The following CCDC62 variants were observed in gnomAD, a reference collection of about 807,000 sequenced individuals.
CCDC62 encodes coiled-coil domain containing 62, also known as coiled-coil domain-containing protein 62.
Under a neutral mutation model 80.8 loss-of-function variants are expected in CCDC62, and 72 were observed. That is an observed-to-expected ratio of 0.89 (90% CI 0.74 to 1.08). The LOEUF is 1.08. Ranked by LOEUF, CCDC62 falls within the 50% of genes least tolerant of loss-of-function variation. The pLI is 0.00. For missense variants in CCDC62, 704 were observed against 809.4 expected (o/e 0.87, Z 1.58); for synonymous variants, 286 against 296.5 (o/e 0.96, Z 0.36).
chr12:122,778,535 CT>C (rs1879624828), intron 2 of CCDC62, among the ~76,000 whole-genome samples: 1 of 151,920 alleles, frequency 6.6e-6, no homozygotes, highest in Non-Finnish European at 1.5e-5. Flanking sequence ...GAAAGATAAC[CT>C]TTTTTTACTT....
intron 11 of CCDC62, among the ~76,000 whole-genome samples, chr12:122,815,880 A>C (rs1566088678): frequency 6.6e-6 from 1 of 152,124 alleles, no homozygotes; most frequent in African/African-American, 2.4e-5. Flanking sequence ...TCTGGCTAGG[A>C]CCTCCAGATG....
Position 122,801,444 on chromosome 12 carries a change from A to G in CCDC62, c.1298A>G (p.Lys433Arg). The change falls in exon 9 of 13, where the codon AAA (lysine) becomes AGA (arginine). Residue 433 changes from lysine to arginine, a missense_variant. Coordinates refer to ENST00000253079, the MANE Select transcript of CCDC62 (RefSeq NM_201435.5). ...NKITLCKIHT[K>R]SPKCHGTGVQ... ...ATTACATTGTGCAAGATCCACACAA[A>G]ATCACCAAAATGTCATGGCACTGGG... 1.2e-6 allele frequency: 2 copies of G among 1,614,174 alleles called. No homozygotes were observed. The highest frequency in any genetic ancestry group is 1.7e-6 in the Non-Finnish European group (2 of 1,180,026).
At chr12:122,797,153 C>T (rs1429475452) in intron 6 of CCDC62, among the ~76,000 whole-genome samples, 154 bp from the exon 7 acceptor site, 1 of 152,142 alleles carries the variant, frequency 6.6e-6, no homozygotes, top group Non-Finnish European at 1.5e-5. Flanking sequence ...GCTGCAATTA[C>T]AGGTGTGAGC....
At chr12:122,812,068 G>A (rs2031916080) in intron 10 of CCDC62, among the ~76,000 whole-genome samples, 1 of 152,028 alleles carries the variant, frequency 6.6e-6, no homozygotes, top group African/African-American at 2.4e-5. Context: ...CAATGCCTAG[G>A]ATTCTTTTAT....
intron 10 of CCDC62, among the ~76,000 whole-genome samples, chr12:122,807,097 A>T (rs1032801399): frequency 8.5e-5 from 13 of 152,116 alleles, no homozygotes; most frequent in Non-Finnish European, 1.6e-4. Flanking sequence ...GGCAAGGTAC[A>T]GTGCCTCGTG....
chr12:122,812,777 G>GAGAGAGAGAGAGAA (rs750420995), intron 10 of CCDC62, among the ~76,000 whole-genome samples: 119 of 57,752 alleles, frequency 2.1e-3, no homozygotes, highest in African/African-American at 8.8e-3. Flanking sequence ...GAGAGAGAGA[G>GAGAGAGAGAGAGAA]AGAAAGAAAG....
In CCDC62 at chr12:122,801,346, C is replaced by A; in HGVS notation, c.1200C>A (p.Thr400=). 6.2e-7 allele frequency: 1 copy of A among 1,614,078 alleles called. No homozygotes were observed. The highest frequency in any genetic ancestry group is 8.5e-7 in the Non-Finnish European group (1 of 1,180,016). The change falls in exon 9 of 13, where the codon ACC becomes ACA. Residue 400 remains threonine, a synonymous_variant. Coordinates refer to ENST00000253079, the MANE Select transcript of CCDC62 (RefSeq NM_201435.5). The part of the protein sequence containing the change: ...KSVITLSSIF[T]KDLVEKHNLP... ...TAATTACGCTGTCATCCATATTCACCAAAGACTTAGTAGAGAAACACAACC... is the reference window on the plus strand; with the variant it reads ...TAATTACGCTGTCATCCATATTCACAAAAGACTTAGTAGAGAAACACAACC...
chr12:122,824,956 C>A (rs1165254394), intron 12 of CCDC62, among the ~76,000 whole-genome samples: 1 of 151,546 alleles, frequency 6.6e-6, no homozygotes, highest in Non-Finnish European at 1.5e-5. Context: ...TTTGGTGGTG[C>A]ATGCCTGTAA....
chr12:122,800,349 G>C (rs1393793610), intron 8 of CCDC62, among the ~76,000 whole-genome samples: 1 of 151,604 alleles, frequency 6.6e-6, no homozygotes, highest in African/African-American at 2.4e-5. Context: ...CGGAAGCTAA[G>C]GCAGGAGGAT....
At chr12:122,802,788 AG>A (rs2031385201) in intron 9 of CCDC62, among the ~76,000 whole-genome samples, 1 of 151,996 alleles carries the variant, frequency 6.6e-6, no homozygotes, top group Admixed American at 6.6e-5. Flanking sequence ...AGTACTTGGG[AG>A]GCTGAGGCAG....
intron 3 of CCDC62, among the ~76,000 whole-genome samples, chr12:122,782,616 G>A (rs1593782193): frequency 1.3e-5 from 2 of 152,030 alleles, no homozygotes; most frequent in South Asian, 4.2e-4. Flanking sequence ...GCACCACTAT[G>A]CCCAGCTAAT....
chr12:122,780,353 C>T (rs537721892), intron 2 of CCDC62, among the ~76,000 whole-genome samples: 19 of 150,096 alleles, frequency 1.3e-4, no homozygotes, highest in African/African-American at 4.4e-4. Flanking sequence ...GTGGCTCACG[C>T]CTGTAATCCC....
Position 122,813,305 on chromosome 12 carries a change from G to A in CCDC62, c.1887G>A (p.Ser629=), listed in dbSNP as rs202236225. The A allele has an allele frequency of 1.0e-4, 164 of 1,613,020 alleles. No homozygotes were observed. The highest frequency in any genetic ancestry group is 1.9e-4 in the South Asian group (17 of 90,984). ...TGTTACCCTCCCAGGATGATTTCTC[G>A]CCCACGAGCAAGCTCCAGCGTTTGC... ...SIVLPSQDDF[S]PTSKLQRLLA... The change falls in exon 11 of 13, where the codon TCG becomes TCA. Residue 629 remains serine, a synonymous_variant. Coordinates refer to ENST00000253079, the MANE Select transcript of CCDC62 (RefSeq NM_201435.5).
chr12:122,810,981 G>T (rs1453930981), intron 10 of CCDC62, among the ~76,000 whole-genome samples: 1 of 148,186 alleles, frequency 6.7e-6, no homozygotes, highest in Non-Finnish European at 1.5e-5. Flanking sequence ...GAGAACACTT[G>T]GACACAGGAA....
chr12:122,801,316 A>G lies in CCDC62; in HGVS notation c.1170A>G (p.Lys390=). Residue 390 remains lysine (K), a synonymous_variant, in exon 9 of 13, where the codon AAA becomes AAG. Transcript: ENST00000253079. ...KQQIDTVFGE[K]SVITLSSIFT... is the part of the protein sequence containing the mutation. ...AGATCGATACTGTGTTTGGGGAGAA[A>G]AGTGTAATTACGCTGTCATCCATAT... is the stretch of plus-strand genomic sequence containing the variant. 6.2e-7 allele frequency: 1 copy of G among 1,614,124 alleles called. No individual in the cohort carries two copies. Among genetic ancestry groups the G allele is most frequent in the Non-Finnish European group, 8.5e-7 (1 of 1,179,994 alleles).
intron 10 of CCDC62, 133 bp from the exon 11 acceptor site, chr12:122,813,137 G>A: frequency 1.1e-6 from 1 of 881,898 alleles, no homozygotes; most frequent in Non-Finnish European, 1.7e-6. Flanking sequence ...GAGGCAATCA[G>A]CTGTGATTGT....
intron 3 of CCDC62, among the ~76,000 whole-genome samples, chr12:122,784,695 C>T (rs1294561233): frequency 6.6e-6 from 1 of 151,956 alleles, no homozygotes; most frequent in Non-Finnish European, 1.5e-5. Flanking sequence ...ATTAACTGGG[C>T]ATAATGGTGA....
intron 5 of CCDC62, among the ~76,000 whole-genome samples, chr12:122,791,054 T>C (rs2030570348): frequency 1.3e-5 from 2 of 152,132 alleles, no homozygotes; most frequent in Non-Finnish European, 2.9e-5. Context: ...CTGCAGTTTG[T>C]GGTAATGGAT....
In CCDC62 at chr12:122,806,413, T is replaced by G. The variant is rs1055392707; in HGVS notation, c.1851+118T>G. On this transcript the variant is annotated intron_variant, in intron 10 of 12. Coordinates refer to ENST00000253079, the MANE Select transcript of CCDC62 (RefSeq NM_201435.5). ...TTTTGGCTATTCCTCCGTTTTTTTT[T>G]TTTTTTTTTTAATTCTAGGATTTTA... 2.7e-4 allele frequency: 190 copies of G among 711,956 alleles called. 3 individuals carry two copies. The highest frequency in any genetic ancestry group is 7.4e-4 in the Admixed American group (27 of 36,356). The allele number at this position is 711,956 out of a possible 1,614,324, so 44.1% of individuals were successfully genotyped here.
Sources: gnomAD v4.1 joint callset for allele counts (sites outside exome capture counted in the v4.1 genomes callset) on GRCh38, gnomAD v4.1.1 for gene constraint, MANE v1.5 for transcripts, NCBI Gene and HGNC (gene_info 2026-07-23, HGNC 2026-07-21) for gene names.